NTRK1: variants seen among roughly 807,000 people sequenced by gnomAD.
The protein encoded by NTRK1 is neurotrophic receptor tyrosine kinase 1.
A neutral mutation model predicts 86.8 loss-of-function variants in NTRK1; 62 were observed. The ratio of observed to expected loss-of-function variants is 0.71; its 90% confidence interval spans 0.58 to 0.88. The LOEUF is 0.88. Among genes scored for constraint, NTRK1 ranks in the 40% least tolerant of loss-of-function variants. The pLI, the probability that NTRK1 is intolerant of heterozygous loss-of-function variation, is 0.00. For missense variants in NTRK1, 967 were observed against 1,078.4 expected, an observed-to-expected ratio of 0.90 and a Z score of 1.45; for synonymous variants, 469 against 456.6, an observed-to-expected ratio of 1.03 and a Z score of -0.35.
At chr1:156,879,666 G>A (rs1455515308) in intron 15 of NTRK1, among the ~76,000 whole-genome samples, 1 of 152,280 alleles carries the variant, frequency 6.6e-6, no homozygotes, top group Non-Finnish European at 1.5e-5. Flanking sequence ...CTGGAGTGCA[G>A]TGGCACGATC....
At chr1:156,853,875 G>T in intron 2 of NTRK1, 1 of 1,614,120 alleles carries the variant, frequency 6.2e-7, no homozygotes. Flanking sequence ...TCCTCGCCCA[G>T]CTTGTTGCCC....
chr1:156,846,654 C>T (rs1309275658), intron 2 of NTRK1: 2 of 1,614,194 alleles, frequency 1.2e-6, no homozygotes, highest in Non-Finnish European at 1.7e-6. Flanking sequence ...AGGGTCACCC[C>T]TGGCTCCTGG....
At position 156,830,180 on chromosome 1, in the gene NTRK1, T is replaced by C. The variant is rs115100156; in HGVS notation, c.-63-11901T>C. The stretch of plus-strand genomic sequence containing the variant: ...ACCGTGCTTACCACTTTGATACACA[T>C]TGTGATCACTGCAATAGAAGTGTTT... On this transcript the variant is annotated intron_variant, in intron 1 of 16. Coordinates refer to the NTRK1 transcript ENST00000392302. Among the ~76,000 whole-genome samples, 758 of 152,318 alleles carry C rather than the reference T, an allele frequency of 5.0e-3. 7 individuals are homozygous for C. Among genetic ancestry groups the C allele is most frequent in the African/African-American group, 0.018 (730 of 41,582 alleles).
At chr1:156,843,350 G>A in intron 2 of NTRK1, 1 of 1,575,138 alleles carries the variant, frequency 6.3e-7, no homozygotes, top group Non-Finnish European at 8.7e-7. Flanking sequence ...TCTGCAAGAA[G>A]GTCTTCTGGA....
chr1:156,858,800 T>TCACAGAGA (rs1434145669), upstream of NTRK1: 1 of 606,126 alleles, frequency 1.6e-6, no homozygotes, highest in Non-Finnish European at 2.9e-6. Context: ...GAAATGAGAG[T>TCACAGAGA]CACAGAGACA....
At chr1:156,842,399 T>A (rs1451226204) in intron 2 of NTRK1, 4 of 1,613,862 alleles carry the variant, frequency 2.5e-6, no homozygotes, top group Admixed American at 1.7e-5. Flanking sequence ...GGTCCCTACC[T>A]CTGCCTCAGG....
At chr1:156,874,678 A>G (rs2102910613) in intron 10 of NTRK1, 52 bp downstream of exon 10, 1 of 1,559,566 alleles carries the variant, frequency 6.4e-7, no homozygotes, top group African/African-American at 1.4e-5. Context: ...GAGGCTGGGT[A>G]GAGGCTCATC....
chr1:156,835,239 A>G (rs2102845871), intron 1 of NTRK1, among the ~76,000 whole-genome samples: 1 of 152,330 alleles, frequency 6.6e-6, no homozygotes, highest in Non-Finnish European at 1.5e-5. Flanking sequence ...GTAGGGCTAC[A>G]AAAACATGCT....
chr1:156,872,225 T>C (rs948121090), intron 7 of NTRK1, among the ~76,000 whole-genome samples: 3 of 152,162 alleles, frequency 2.0e-5, no homozygotes, highest in African/African-American at 4.8e-5. Flanking sequence ...CATAGAAATG[T>C]GCAAAAAATA....
At chr1:156,852,825 G>T (rs1431333009) in intron 2 of NTRK1, among the ~76,000 whole-genome samples, 1 of 152,172 alleles carries the variant, frequency 6.6e-6, no homozygotes, top group Non-Finnish European at 1.5e-5. Flanking sequence ...CAGCAGCTGT[G>T]TTTACAGCCA....
rs749232952 is a variant in NTRK1 at position 156,871,604 on chromosome 1, C to A, written c.718-19C>A. The A allele has an allele frequency of 1.2e-6, 2 of 1,614,010 alleles. No homozygotes were observed. Among genetic ancestry groups the A allele is most frequent in the Admixed American group, 1.7e-5 (1 of 60,016 alleles). ...TGGCTAAAGCTCCTTCTTATTCCCC[C>A]CTCTCTTTCCTGATCTAGAAATCTG... On this transcript the variant is annotated intron_variant, in intron 6 of 16. Coordinates refer to ENST00000524377, the MANE Select transcript of NTRK1 (RefSeq NM_002529.4).
At chr1:156,880,686 T>G (rs61813796) in intron 16 of NTRK1, 6,233 of 158,412 alleles carry the variant, frequency 0.039, 170 homozygotes, top group South Asian at 0.093. Context: ...TTTCTCCTCC[T>G]AATGCAGTCT....
intron 1 of NTRK1, among the ~76,000 whole-genome samples, chr1:156,838,562 G>A (rs767956226): frequency 1.3e-5 from 2 of 152,172 alleles, no homozygotes; most frequent in African/African-American, 4.8e-5. Flanking sequence ...CCTCTCCAAA[G>A]CTTCCCTGTA....
In NTRK1 at chr1:156,842,491, C is replaced by A; in HGVS notation, c.50+298C>A. On this transcript the variant is annotated intron_variant, in intron 2 of 16. Transcript: ENST00000392302. ...CCAGAGTTGGCTGGCCCTGAGATAC[C>A]ACACCCAGGAGACGCACCTGGGACA... 1 of 1,614,024 alleles carries A rather than the reference C, an allele frequency of 6.2e-7. No individual in the cohort carries two copies. Among genetic ancestry groups the A allele is most frequent in the Non-Finnish European group, 8.5e-7 (1 of 1,179,930 alleles).
chr1:156,879,083 A>C (rs748579821), intron 14 of NTRK1, 39 bp from the exon 15 acceptor site: 2 of 1,610,256 alleles, frequency 1.2e-6, no homozygotes, highest in African/African-American at 2.7e-5. Context: ...TGGGAGTTCT[A>C]TCCTCCCAGC....
intron 1 of NTRK1, chr1:156,841,063 A>G: frequency 6.3e-7 from 1 of 1,579,794 alleles, no homozygotes; most frequent in Non-Finnish European, 8.6e-7. Context: ...AGATGGGCGC[A>G]GGCGTGGGTT....
chr1:156,879,228 A>G lies in NTRK1; in HGVS notation c.1912A>G (p.Met638Val), dbSNP rs201002156. The G allele has an allele frequency of 5.0e-6, 8 of 1,613,678 alleles. No homozygotes were observed. The East Asian group carries it at 1.6e-4, about 31-fold the overall frequency. ...LAVASQVAAGMVYLAGLHFVH... is the reference protein window; with the variant it reads ...LAVASQVAAGVVYLAGLHFVH... The stretch of plus-strand genomic sequence containing the variant: ...CGTGGCTAGCCAGGTCGCTGCGGGG[A>G]TGGTGTACCTGGCGGGTCTGCATTT... The change falls in exon 15 of 17, where the codon ATG becomes GTG. Residue 638 changes from methionine (M) to valine (V), a missense_variant. This residue lies in a region of NTRK1 where 637 missense variants were observed against 776.5 expected (regional missense o/e 0.82). Transcript: ENST00000524377.
chr1:156,838,149 G>T (rs1041071599), intron 1 of NTRK1, among the ~76,000 whole-genome samples: 1 of 151,930 alleles, frequency 6.6e-6, no homozygotes, highest in Admixed American at 6.6e-5. Flanking sequence ...CCTCCCCCAG[G>T]CCTCTGGGCC....
intron 1 of NTRK1, among the ~76,000 whole-genome samples, chr1:156,821,778 C>T (rs1654198205): frequency 6.6e-6 from 1 of 152,180 alleles, no homozygotes; most frequent in Non-Finnish European, 1.5e-5. Context: ...TTGGAGTAAT[C>T]CACAGAAGGG....
Sources: gnomAD v4.1 joint callset for allele counts (sites outside exome capture counted in the v4.1 genomes callset) on GRCh38, gnomAD v4.1.1 for gene constraint, gnomAD v4.1.1 regional missense constraint, MANE v1.5 for transcripts, NCBI Gene and HGNC (gene_info 2026-07-23, HGNC 2026-07-21) for gene names.